The following ABCA10 variants were observed in gnomAD, a reference collection of about 807,000 sequenced individuals.
The protein encoded by ABCA10 is ATP-binding cassette sub-family A member 10.
Under a neutral mutation model 187.5 loss-of-function variants are expected in ABCA10, and 169 were observed. The ratio of observed to expected loss-of-function variants is 0.90; its 90% confidence interval spans 0.80 to 1.02. The LOEUF (loss-of-function observed/expected upper bound fraction) is 1.02, where lower values mean the gene tolerates loss of function less well. Among genes scored for constraint, ABCA10 ranks in the 50% least tolerant of loss-of-function variants. The pLI is 0.00. For synonymous variants in ABCA10, 574 were observed against 601.8 expected, an observed-to-expected ratio of 0.95 and a Z score of 0.68; for missense variants, 1,727 against 1,812.4, an observed-to-expected ratio of 0.95 and a Z score of 0.86.
At chr17:69,219,341 T>C (rs1298519137) in intron 6 of ABCA10, among the ~76,000 whole-genome samples, 1 of 152,158 alleles carries the variant, frequency 6.6e-6, no homozygotes, top group Non-Finnish European at 1.5e-5. Context: ...TATGTAATGA[T>C]CACATATTTT....
chr17:69,194,272 CTAAAT>C, intron 12 of ABCA10, 108 bp downstream of exon 12: 3 of 897,474 alleles, frequency 3.3e-6, no homozygotes, highest in Non-Finnish European at 5.2e-6. Context: ...ATTTCCTGCT[CTAAAT>C]TATTCAACTG....
intron 12 of ABCA10, 149 bp downstream of exon 12, chr17:69,194,236 T>A (rs998062419): frequency 4.0e-6 from 3 of 748,006 alleles, no homozygotes; most frequent in Middle Eastern, 3.5e-4. Context: ...AATGTTTTCA[T>A]GAATTTATGT....
chr17:69,191,536 T>C (rs1254340223), intron 16 of ABCA10, among the ~76,000 whole-genome samples: 1 of 152,222 alleles, frequency 6.6e-6, no homozygotes, highest in Non-Finnish European at 1.5e-5. Context: ...GGAAAAATTA[T>C]AGTACATATC....
Position 69,225,374 on chromosome 17 carries a change from G to A in ABCA10, c.-16C>T, listed in dbSNP as rs765490016. 8.7e-6 allele frequency: 14 copies of A among 1,612,788 alleles called. No individual in the cohort carries two copies. The African/African-American group carries it at 1.6e-4, about 18-fold the overall frequency. On this transcript the variant is annotated 5_prime_UTR_variant, in exon 3 of 39. Transcript: ENST00000690296. The stretch of plus-strand genomic sequence containing the variant: ...TCTTATTCATTATCCTTTGTGTTAT[G>A]TTACTGACTGGTGTATATGCCACTA...
At chr17:69,158,255 T>C (rs9889366) in intron 27 of ABCA10, among the ~76,000 whole-genome samples, 1 of 151,682 alleles carries the variant, frequency 6.6e-6, no homozygotes, top group East Asian at 1.9e-4. Flanking sequence ...GCCAATGTCA[T>C]AAAGCAAGAA....
At chr17:69,197,999 A>G (rs896200968) in intron 10 of ABCA10, among the ~76,000 whole-genome samples, 1 of 152,106 alleles carries the variant, frequency 6.6e-6, no homozygotes, top group Non-Finnish European at 1.5e-5. Context: ...ATTTTCCTCT[A>G]AACTGGCCCA....
At chr17:69,161,557 C>G (rs372708828) in intron 27 of ABCA10, among the ~76,000 whole-genome samples, 1 of 152,040 alleles carries the variant, frequency 6.6e-6, no homozygotes, top group Non-Finnish European at 1.5e-5. Context: ...TAGGCCTGGC[C>G]GTTAAAACAA....
intron 25 of ABCA10, among the ~76,000 whole-genome samples, chr17:69,168,470 GAATA>G (rs1197729544): frequency 1.1e-4 from 17 of 152,148 alleles, no homozygotes; most frequent in Non-Finnish European, 1.6e-4. Flanking sequence ...ATGAATGAAT[GAATA>G]AATATTGGGA....
chr17:69,209,367 T>G (rs2074618396), intron 9 of ABCA10, among the ~76,000 whole-genome samples: 1 of 152,166 alleles, frequency 6.6e-6, no homozygotes. Context: ...TCAAAGTAAT[T>G]TTGAAGCCAA....
chr17:69,191,874 G>A (rs1408507088), intron 16 of ABCA10, among the ~76,000 whole-genome samples: 2 of 152,176 alleles, frequency 1.3e-5, no homozygotes, highest in Non-Finnish European at 2.9e-5. Flanking sequence ...GTGAGTATTT[G>A]ATGCTTTCTA....
In ABCA10 at chr17:69,155,018, C is replaced by A; in HGVS notation, c.3694+1G>T. 2 of 1,572,104 alleles carry A rather than the reference C, an allele frequency of 1.3e-6. No homozygotes were observed. Among genetic ancestry groups the A allele is most frequent in the South Asian group, 2.3e-5 (2 of 88,746 alleles). On this transcript the variant is annotated splice_donor_variant, in intron 30 of 38. Coordinates refer to ENST00000690296, the MANE Select transcript of ABCA10 (RefSeq NM_001377321.1). LOFTEE classifies it high-confidence loss of function. ...ATAATAAAAGGAACAATTGTTCAAA[C>A]CTTTTTTAACACAAAAGGAAACATT... is the stretch of plus-strand genomic sequence containing the variant.
chr17:69,229,444 G>A (rs1470493454), upstream of ABCA10, among the ~76,000 whole-genome samples: 1 of 151,840 alleles, frequency 6.6e-6, no homozygotes, highest in African/African-American at 2.4e-5. Context: ...TAATGATTTT[G>A]TTACTTTTTT....
rs144371791 is a variant in ABCA10 at position 69,193,265 on chromosome 17, G to A, written c.1642-17C>T. The A allele has an allele frequency of 3.5e-4, 561 of 1,605,642 alleles. 2 individuals are homozygous for A. In the African/African-American group the frequency reaches 6.8e-3, roughly 19 times the overall value. On this transcript the variant is annotated splice_polypyrimidine_tract_variant and intron_variant, in intron 14 of 38. Transcript: ENST00000690296. ...CAGCAAAACCTACAGAGGAGGAAAC[G>A]TATGAAAGCATCTTCCTCTTCACAG...
intron 27 of ABCA10, 40 bp downstream of exon 27, chr17:69,164,034 C>A (rs747844765): frequency 2.1e-6 from 3 of 1,452,228 alleles, no homozygotes; most frequent in Non-Finnish European, 1.8e-6. Context: ...GGCTATGAAT[C>A]TTATGCAATA....
At chr17:69,220,433 T>C (rs944857029) in intron 5 of ABCA10, among the ~76,000 whole-genome samples, 2 of 152,164 alleles carry the variant, frequency 1.3e-5, no homozygotes, top group Non-Finnish European at 2.9e-5. Context: ...AGATGTGCCC[T>C]TGTGCAGGTG....
intron 6 of ABCA10, among the ~76,000 whole-genome samples, chr17:69,218,841 A>C (rs1309637042): frequency 6.6e-6 from 1 of 152,160 alleles, no homozygotes; most frequent in Non-Finnish European, 1.5e-5. Context: ...CCTCAGTGAC[A>C]CTGTGGTAAA....
intron 1 of ABCA10, among the ~76,000 whole-genome samples, chr17:69,237,903 C>T (rs1355276465): frequency 2.6e-5 from 4 of 152,110 alleles, no homozygotes; most frequent in Non-Finnish European, 5.9e-5. Flanking sequence ...TGGCTCACAC[C>T]TGTAATCCTA....
upstream of ABCA10, among the ~76,000 whole-genome samples, chr17:69,230,168 C>T (rs1426547652): frequency 6.6e-6 from 1 of 152,052 alleles, no homozygotes; most frequent in African/African-American, 2.4e-5. Flanking sequence ...CACCTTTCAC[C>T]TTTCCACTGT....
At chr17:69,213,322 A>C (rs9916084) in intron 9 of ABCA10, among the ~76,000 whole-genome samples, 113,500 of 150,106 alleles carry the variant, frequency 0.76, 43,347 homozygotes, top group African/African-American at 0.86. Flanking sequence ...GAATAAAAAC[A>C]ATCAGGTGGG....
Sources: gnomAD v4.1 joint callset for allele counts (sites outside exome capture counted in the v4.1 genomes callset) on GRCh38, gnomAD v4.1.1 for gene constraint, MANE v1.5 for transcripts, NCBI Gene and HGNC (gene_info 2026-07-23, HGNC 2026-07-21) for gene names.